The following ELF5 variants were observed in gnomAD, a reference collection of about 807,000 sequenced individuals.
The protein encoded by ELF5 is ETS-related transcription factor Elf-5.
Under a neutral mutation model 38.2 loss-of-function variants are expected in ELF5, and 31 were observed. That is an observed-to-expected ratio of 0.81 (90% CI 0.61 to 1.10). ELF5 has a LOEUF of 1.10. Ranked by LOEUF, ELF5 falls within the 50% of genes least tolerant of loss-of-function variation. ELF5 has a pLI of 0.00. For synonymous variants in ELF5, 121 were observed against 112.5 expected (o/e 1.08, Z -0.48); for missense variants, 300 against 306.6 (o/e 0.98, Z 0.16).
chr11:34,480,427 C>T, intron 6 of ELF5, 113 bp from the exon 7 acceptor site: 1 of 846,576 alleles, frequency 1.2e-6, no homozygotes, highest in East Asian at 2.6e-5. Context: ...TCTTTGGTTA[C>T]CCTGGTATTT....
At chr11:34,503,807 T>C (rs1213081874) in intron 2 of ELF5, among the ~76,000 whole-genome samples, 2 of 152,234 alleles carry the variant, frequency 1.3e-5, no homozygotes, top group Admixed American at 1.3e-4. Flanking sequence ...GACTGTGTCC[T>C]AAACACTTCC....
At position 34,493,683 on chromosome 11, in the gene ELF5, G is replaced by T. The variant is rs750107698; in HGVS notation, c.151C>A (p.Pro51Thr). 3.7e-6 allele frequency: 6 copies of T among 1,614,160 alleles called. No individual in the cohort carries two copies. The highest frequency in any genetic ancestry group is 3.3e-5 in the Admixed American group (2 of 60,026). Residue 51 changes from proline to threonine, a missense_variant, in exon 3 of 7, where the codon CCT becomes ACT. Pro to Thr is a conservative substitution (Grantham distance 38). Transcript: ENST00000257832. ...ACDSYWTSVH[P>T]EYWTKRHVWE... ...ACATGGCGCTTAGTCCAGTATTCAGGGTGGACTGATGTCCAGTATGAGTCA... is the reference window on the plus strand; with the variant it reads ...ACATGGCGCTTAGTCCAGTATTCAGTGTGGACTGATGTCCAGTATGAGTCA...
Position 34,479,256 on chromosome 11 carries a change from T to C in ELF5, c.*962A>G, listed in dbSNP as rs1388057618. The stretch of plus-strand genomic sequence containing the variant: ...AAACGTTTAACATCTGGACCTGAGA[T>C]GGAATCAATGAATTTCGATTTTATT... On this transcript the variant is annotated 3_prime_UTR_variant, in exon 7 of 7. Transcript: ENST00000257832. 6.6e-6 allele frequency: 1 copy of C among 152,558 alleles called. No individual in the cohort carries two copies. Among genetic ancestry groups the C allele is most frequent in the Non-Finnish European group, 1.5e-5 (1 of 68,040 alleles). 9.5% of individuals were successfully genotyped at this position (152,558 alleles called of 1,614,324 possible).
At chr11:34,483,606 T>C (rs528122066) in intron 4 of ELF5, among the ~76,000 whole-genome samples, 12 of 152,018 alleles carry the variant, frequency 7.9e-5, no homozygotes, top group Non-Finnish European at 1.5e-4. Flanking sequence ...CACACCATAC[T>C]GTACTATATT....
At chr11:34,511,724 T>A in intron 1 of ELF5, 1 of 870,222 alleles carries the variant, frequency 1.1e-6, no homozygotes, top group East Asian at 2.7e-5. Flanking sequence ...ATAACAGGTG[T>A]GGCTCCCATG....
chr11:34,499,752 G>T (rs1046128155), intron 2 of ELF5, among the ~76,000 whole-genome samples: 2 of 152,132 alleles, frequency 1.3e-5, no homozygotes, highest in Admixed American at 6.5e-5. Context: ...TCCAATTCTT[G>T]TTCCCAGCCA....
chr11:34,489,104 A>G (rs920152554), intron 4 of ELF5, among the ~76,000 whole-genome samples: 13 of 152,266 alleles, frequency 8.5e-5, no homozygotes, highest in African/African-American at 3.1e-4. Flanking sequence ...GCACCTGCTT[A>G]AGCCCGTAGC....
intron 2 of ELF5, among the ~76,000 whole-genome samples, chr11:34,496,161 G>A (rs1850313666): frequency 6.6e-6 from 1 of 152,248 alleles, no homozygotes; most frequent in Admixed American, 6.5e-5. Context: ...TCGGAGAAAC[G>A]CCCAGGCGGG....
chr11:34,500,066 GTTA>G (rs1220837863), intron 2 of ELF5, among the ~76,000 whole-genome samples: 1 of 152,162 alleles, frequency 6.6e-6, no homozygotes, highest in African/African-American at 2.4e-5. Context: ...CCTGTTATTG[GTTA>G]TTATTTTGGG....
chr11:34,505,459 T>C (rs950397260), intron 2 of ELF5, among the ~76,000 whole-genome samples, 170 bp downstream of exon 2: 2 of 152,204 alleles, frequency 1.3e-5, no homozygotes, highest in Non-Finnish European at 2.9e-5. Flanking sequence ...CAGCACCTTT[T>C]ATCTGCAAGA....
chr11:34,502,069 G>A (rs1266279261), intron 2 of ELF5, among the ~76,000 whole-genome samples: 3 of 152,214 alleles, frequency 2.0e-5, no homozygotes, highest in Admixed American at 2.0e-4. Flanking sequence ...CCAACAGGGA[G>A]TGGTGAGGAG....
chr11:34,493,528 G>T lies in ELF5; in HGVS notation c.306C>A (p.Gly102=), dbSNP rs1850234295. The T allele has an allele frequency of 6.2e-7, 1 of 1,614,076 alleles. No homozygotes were observed. Among genetic ancestry groups the T allele is most frequent in the African/African-American group, 1.3e-5 (1 of 74,938 alleles). ...MTQEEFVEAA[G]LCGEYLYFIL... Reference sequence around the variant, plus strand: ...TGAAGTACAGGTACTCGCCGCAGAGGCCAGCTGCCTCGACGAACTCCTCCT... The same window carrying T: ...TGAAGTACAGGTACTCGCCGCAGAGTCCAGCTGCCTCGACGAACTCCTCCT... Residue 102 remains glycine, a synonymous_variant, in exon 3 of 7, where the codon GGC becomes GGA. Coordinates refer to ENST00000257832, the MANE Select transcript of ELF5 (RefSeq NM_001422.4).
At chr11:34,511,505 T>A in intron 1 of ELF5, 2 of 1,614,018 alleles carry the variant, frequency 1.2e-6, no homozygotes, top group East Asian at 4.5e-5. Context: ...TGGAATCAGG[T>A]GGGCTCACTT....
chr11:34,491,247 G>A (rs546151447), intron 3 of ELF5, among the ~76,000 whole-genome samples: 3 of 152,252 alleles, frequency 2.0e-5, no homozygotes, highest in East Asian at 3.9e-4. Flanking sequence ...AGGCAGAAAC[G>A]ATGTCTCCTG....
Position 34,479,948 on chromosome 11 carries a change from C to T in ELF5, c.*270G>A. On this transcript the variant is annotated 3_prime_UTR_variant, in exon 7 of 7. Coordinates refer to ENST00000257832, the MANE Select transcript of ELF5 (RefSeq NM_001422.4). ...GGCATGGGCTGTTGTCATTCCACAACTCTAGGAAAATAAAGTTTGATCAAG... is the reference window on the plus strand; with the variant it reads ...GGCATGGGCTGTTGTCATTCCACAATTCTAGGAAAATAAAGTTTGATCAAG... 1 of 409,116 alleles carries T rather than the reference C, an allele frequency of 2.4e-6. No homozygotes were observed. Among genetic ancestry groups the T allele is most frequent in the Non-Finnish European group, 4.4e-6 (1 of 227,610 alleles). 25.3% of individuals were successfully genotyped at this position (409,116 alleles called of 1,614,324 possible).
intron 2 of ELF5, among the ~76,000 whole-genome samples, chr11:34,498,367 G>A (rs1590335267): frequency 6.6e-6 from 1 of 151,528 alleles, no homozygotes; most frequent in Admixed American, 6.6e-5. Context: ...TTTTTTTAAT[G>A]TGTAAGCCAG....
chr11:34,493,318 A>G (rs368553744), intron 3 of ELF5, 161 bp downstream of exon 3: 8 of 708,230 alleles, frequency 1.1e-5, no homozygotes, highest in South Asian at 5.5e-5. Context: ...AAAATCCCCA[A>G]TTCTGGCATA....
chr11:34,484,359 T>C (rs192633926), intron 4 of ELF5, among the ~76,000 whole-genome samples: 1 of 151,740 alleles, frequency 6.6e-6, no homozygotes, highest in East Asian at 1.9e-4. Context: ...CTATATGAAC[T>C]AGACTGCACT....
At chr11:34,494,289 G>A (rs1850260681) in intron 2 of ELF5, among the ~76,000 whole-genome samples, 1 of 152,190 alleles carries the variant, frequency 6.6e-6, no homozygotes, top group Non-Finnish European at 1.5e-5. Context: ...TTTGAAGCTG[G>A]TTTTGATTCC....
Sources: allele counts gnomAD v4.1 joint callset (sites outside exome capture counted in the v4.1 genomes callset), GRCh38; gene constraint gnomAD v4.1.1; transcripts MANE v1.5; gene names NCBI Gene and HGNC (gene_info 2026-07-23, HGNC 2026-07-21).